CATSPERT: variants seen among roughly 807,000 people sequenced by gnomAD.
CATSPERT encodes the protein catsper channel auxiliary subunit tau.
At chr2:201,523,227 T>G in the CATSPERT span, among the ~76,000 whole-genome samples, 1 of 152,166 alleles carries the variant, frequency 6.6e-6, no homozygotes, top group African/African-American at 2.4e-5. Flanking sequence ...AACAAAGCAC[T>G]TCTGCCAGCA....
the CATSPERT span, among the ~76,000 whole-genome samples, chr2:201,575,003 A>G: frequency 1.3e-5 from 2 of 150,218 alleles, no homozygotes; most frequent in Non-Finnish European, 1.5e-5. Context: ...CTCTTACCCA[A>G]TGATTTCTAA....
the CATSPERT span, chr2:201,572,090 C>T: frequency 5.4e-6 from 6 of 1,112,060 alleles, no homozygotes; most frequent in Non-Finnish European, 8.1e-6. Flanking sequence ...TAATACCATA[C>T]CATATTGATA....
chr2:201,522,494 G>T, the CATSPERT span, among the ~76,000 whole-genome samples: 1 of 152,066 alleles, frequency 6.6e-6, no homozygotes, highest in South Asian at 2.1e-4. Context: ...GGTTGAAGTG[G>T]GAGGAAGCTG....
the CATSPERT span, among the ~76,000 whole-genome samples, chr2:201,518,898 T>C: frequency 6.6e-6 from 1 of 152,202 alleles, no homozygotes; most frequent in Admixed American, 6.5e-5. Context: ...GAAGGGGACA[T>C]GGAGACAGGC....
chr2:201,618,836 C>T, the CATSPERT span: 5 of 1,513,192 alleles, frequency 3.3e-6, no homozygotes, highest in African/African-American at 5.5e-5. Flanking sequence ...AATCCTTTCA[C>T]CACCCTCCAG....
At chr2:201,535,779 T>C in the CATSPERT span, 8 of 1,360,656 alleles carry the variant, frequency 5.9e-6, no homozygotes, top group African/African-American at 1.0e-4. Context: ...TTTAATTTTT[T>C]AAAATAGATT....
the CATSPERT span, among the ~76,000 whole-genome samples, chr2:201,581,636 A>G: frequency 3.0e-5 from 4 of 133,962 alleles, no homozygotes; most frequent in East Asian, 8.8e-4. Context: ...CAGACGGAGT[A>G]TTGCTCTTGT....
At chr2:201,609,876 T>C in the CATSPERT span, among the ~76,000 whole-genome samples, 1 of 143,484 alleles carries the variant, frequency 7.0e-6, no homozygotes, top group South Asian at 2.3e-4. Context: ...CTTTAAAAAG[T>C]ACAAAGAATC....
At chr2:201,496,020 C>G in the CATSPERT span, 1 of 1,202,162 alleles carries the variant, frequency 8.3e-7, no homozygotes, top group African/African-American at 1.6e-5. Flanking sequence ...ATAAGAATAT[C>G]AAGATCATTT....
chr2:201,521,274 G>T, the CATSPERT span, among the ~76,000 whole-genome samples: 1 of 152,148 alleles, frequency 6.6e-6, no homozygotes, highest in Non-Finnish European at 1.5e-5. Flanking sequence ...AACTACCTGA[G>T]ACTGGGTAAT....
At chr2:201,559,364 C>T in the CATSPERT span, among the ~76,000 whole-genome samples, 1 of 152,226 alleles carries the variant, frequency 6.6e-6, no homozygotes, top group African/African-American at 2.4e-5. Context: ...TGGGCAGCCC[C>T]CAGCAGACAC....
the CATSPERT span, among the ~76,000 whole-genome samples, chr2:201,585,748 G>T: frequency 6.6e-6 from 1 of 152,122 alleles, no homozygotes; most frequent in Non-Finnish European, 1.5e-5. Context: ...CATTGGATTT[G>T]ATAAGCATAC....
the CATSPERT span, among the ~76,000 whole-genome samples, chr2:201,584,177 C>G: frequency 1.3e-5 from 2 of 152,090 alleles, no homozygotes; most frequent in African/African-American, 4.8e-5. Flanking sequence ...TTAGTCCCAG[C>G]TACTCAAGAG....
the CATSPERT span, among the ~76,000 whole-genome samples, chr2:201,539,089 C>T: frequency 3.3e-5 from 5 of 152,058 alleles, no homozygotes; most frequent in South Asian, 2.1e-4. Context: ...AGCTTGATTC[C>T]ATTTCTTTGC....
chr2:201,619,086 A>G, the CATSPERT span: 1 of 1,614,060 alleles, frequency 6.2e-7, no homozygotes, highest in East Asian at 2.2e-5. Context: ...CGCTGCGGTT[A>G]TCAAGTGTGC....
the CATSPERT span, among the ~76,000 whole-genome samples, chr2:201,594,090 T>G: frequency 1.5e-4 from 23 of 152,354 alleles, no homozygotes; most frequent in Admixed American, 8.5e-4. Flanking sequence ...TCTTTACATT[T>G]TGGCATGATT....
chr2:201,614,260 G>A, the CATSPERT span, among the ~76,000 whole-genome samples: 2,912 of 152,270 alleles, frequency 0.019, 82 homozygotes, highest in African/African-American at 0.061. Flanking sequence ...ATAATTGTCA[G>A]ATTCACCAAA....
the CATSPERT span, among the ~76,000 whole-genome samples, chr2:201,522,908 C>CCA: frequency 6.6e-6 from 1 of 152,342 alleles, no homozygotes; most frequent in South Asian, 2.1e-4. Flanking sequence ...CATCTGCTGG[C>CCA]CACTCCCAGC....
the CATSPERT span, chr2:201,545,589 C>T: frequency 7.0e-6 from 9 of 1,288,428 alleles, no homozygotes; most frequent in Middle Eastern, 5.2e-4. Flanking sequence ...GATTACTTTT[C>T]GTGTTTTCAG....
Sources: allele counts gnomAD v4.1 joint callset (sites outside exome capture counted in the v4.1 genomes callset), GRCh38; gene constraint gnomAD v4.1.1; transcripts MANE v1.5; gene names NCBI Gene and HGNC (gene_info 2026-07-23, HGNC 2026-07-21).